The following LMO7 variants were observed in gnomAD, a reference collection of about 807,000 sequenced individuals.
The protein encoded by LMO7 is LIM domain only protein 7.
In LMO7, 120 loss-of-function variants were observed where a neutral mutation model predicts 206.5. The ratio of observed to expected loss-of-function variants is 0.58; its 90% CI spans 0.50 to 0.68. The LOEUF (loss-of-function observed/expected upper bound fraction) is 0.68. Among genes scored for constraint, LMO7 ranks in the 30% least tolerant of loss-of-function variants. The probability of loss-of-function intolerance (pLI) is 0.00; values close to 1 mark genes in which losing one functional copy is unlikely to be tolerated. For synonymous variants in LMO7, 706 were observed against 681.5 expected, an observed-to-expected ratio of 1.04 and a Z score of -0.56; for missense variants, 1,959 against 1,957.9, an observed-to-expected ratio of 1.00 and a Z score of -0.01.
At chr13:75,686,138 T>G (rs1298036053) in intron 1 of LMO7, among the ~76,000 whole-genome samples, 2 of 151,996 alleles carry the variant, frequency 1.3e-5, no homozygotes, top group African/African-American at 2.4e-5. Context: ...TTCAGCCTCC[T>G]AAAGTGCTGG....
intron 2 of LMO7, chr13:75,627,768 C>A (rs2034405494): frequency 6.6e-6 from 1 of 152,034 alleles, no homozygotes; most frequent in Admixed American, 6.5e-5. Flanking sequence ...TCTCCTTCCT[C>A]TTTCCCAGAA....
At chr13:75,642,442 C>CAAAAAA (rs5804829) in intron 1 of LMO7, among the ~76,000 whole-genome samples, 3 of 72,390 alleles carry the variant, frequency 4.1e-5, no homozygotes, top group Admixed American at 1.8e-4. Flanking sequence ...CCATCTCTAC[C>CAAAAAA]AAAAAAAAAA....
intron 1 of LMO7, among the ~76,000 whole-genome samples, chr13:75,686,757 CA>C (rs2041035469): frequency 6.6e-6 from 1 of 152,002 alleles, no homozygotes; most frequent in Non-Finnish European, 1.5e-5. Context: ...GCTGCTATAA[CA>C]GAGTATATAG....
intron 14 of LMO7, 116 bp from the exon 15 acceptor site, chr13:75,823,449 T>C (rs982061943): frequency 4.0e-5 from 31 of 774,424 alleles, no homozygotes; most frequent in Middle Eastern, 7.7e-4. Flanking sequence ...GCAATAGTTA[T>C]GTTACTGTGG....
At chr13:75,671,717 G>A (rs1472718104) in intron 1 of LMO7, among the ~76,000 whole-genome samples, 1 of 152,132 alleles carries the variant, frequency 6.6e-6, no homozygotes, top group African/African-American at 2.4e-5. Context: ...TTAAAAAAAT[G>A]AATCCATAGT....
chr13:75,804,776 T>C, intron 8 of LMO7: 1 of 1,088,772 alleles, frequency 9.2e-7, no homozygotes, highest in East Asian at 3.6e-5. Flanking sequence ...ATGACTTCAG[T>C]TTATTGGTAT....
chr13:75,661,971 CTTAT>C (rs1217905322), intron 1 of LMO7, among the ~76,000 whole-genome samples: 1 of 152,050 alleles, frequency 6.6e-6, no homozygotes, highest in Admixed American at 6.5e-5. Context: ...TAACCAGATT[CTTAT>C]TTATTTGCCA....
At position 75,647,928 on chromosome 13, in the gene LMO7, T is replaced by C. The variant is rs114287068; in HGVS notation, c.69+11202T>C. Among the ~76,000 whole-genome samples the C allele has an allele frequency of 3.7e-3, 524 of 139,784 alleles. 5 individuals are homozygous for C. The highest frequency in any genetic ancestry group is 0.013 in the African/African-American group (507 of 38,002). The allele number at this position is 139,784 out of a possible 152,430, so 91.7% of individuals were successfully genotyped here. ...CCTGATCTGATTTTGTCCAAACTGA[T>C]TTTCTCTTGTTTTCTTTTCTTTCTT... On this transcript the variant is annotated intron_variant, in intron 1 of 30. Coordinates refer to ENST00000377534, the MANE Select transcript of LMO7 (RefSeq NM_001306080.2).
At chr13:75,782,041 G>A (rs561450231) in intron 4 of LMO7, among the ~76,000 whole-genome samples, 2 of 152,236 alleles carry the variant, frequency 1.3e-5, no homozygotes, top group African/African-American at 2.4e-5. Context: ...TTTGTCAGAT[G>A]AGTAGGTTGC....
intron 4 of LMO7, among the ~76,000 whole-genome samples, chr13:75,772,003 G>C (rs2140063619): frequency 6.6e-6 from 1 of 152,166 alleles, no homozygotes; most frequent in Admixed American, 6.6e-5. Flanking sequence ...ATTCCAGTAA[G>C]ATGAAACTCT....
chr13:75,684,538 C>G (rs2040817236), intron 1 of LMO7, among the ~76,000 whole-genome samples: 1 of 148,148 alleles, frequency 6.8e-6, no homozygotes, highest in South Asian at 2.1e-4. Flanking sequence ...AGCCACTGCG[C>G]CCGGCCGGCT....
intron 11 of LMO7, among the ~76,000 whole-genome samples, chr13:75,812,065 G>A (rs2056459723): frequency 6.6e-6 from 1 of 152,120 alleles, no homozygotes; most frequent in Non-Finnish European, 1.5e-5. Flanking sequence ...GGAGACATTT[G>A]GCAATGTCTG....
At position 75,844,536 on chromosome 13, in the gene LMO7, A is replaced by G. The variant is rs115601038; in HGVS notation, c.4098-791A>G. Among the ~76,000 whole-genome samples the G allele has an allele frequency of 6.0e-3, 909 of 152,002 alleles. 11 individuals are homozygous for G. Among genetic ancestry groups the G allele is most frequent in the African/African-American group, 0.021 (857 of 41,482 alleles). On this transcript the variant is annotated intron_variant, in intron 25 of 30. Coordinates refer to ENST00000377534, the MANE Select transcript of LMO7 (RefSeq NM_001306080.2). The stretch of plus-strand genomic sequence containing the variant: ...GTGATTCTCCCACTTCAGTCTCCCA[A>G]GTAACTGAGACTACGGGCGCATGCC...
chr13:75,743,699 G>C (rs903800137), intron 3 of LMO7, among the ~76,000 whole-genome samples: 14 of 152,246 alleles, frequency 9.2e-5, no homozygotes, highest in African/African-American at 3.4e-4. Context: ...GCCTACATGA[G>C]AGTGGAGGAT....
At chr13:75,684,722 G>T (rs1429342339) in intron 1 of LMO7, among the ~76,000 whole-genome samples, 1 of 152,000 alleles carries the variant, frequency 6.6e-6, no homozygotes, top group African/African-American at 2.4e-5. Flanking sequence ...AATTGAAACA[G>T]TTGTGTCTAA....
chr13:75,845,843 T>G (rs973736562), intron 26 of LMO7, among the ~76,000 whole-genome samples: 1 of 152,208 alleles, frequency 6.6e-6, no homozygotes, highest in South Asian at 2.1e-4. Flanking sequence ...GTATAAAATA[T>G]GTTTCTGAAG....
chr13:75,849,131 A>G lies in LMO7; in HGVS notation c.4203A>G (p.Arg1401=), dbSNP rs778292596. Residue 1401 remains arginine (R), a synonymous_variant, in exon 27 of 31, where the codon AGA becomes AGG. Transcript: ENST00000377534. ...QIGNMTSSQR[R]SKKEQVPSGA... ...GGAACATGACCTCTTCACAGAGGAG[A>G]TCCAAGAAAGAACAAGTACCATCAG... The G allele has an allele frequency of 1.2e-6, 2 of 1,613,460 alleles. No homozygotes were observed. Among genetic ancestry groups the G allele is most frequent in the South Asian group, 2.2e-5 (2 of 91,068 alleles).
intron 1 of LMO7, among the ~76,000 whole-genome samples, chr13:75,706,717 G>A (rs1310506759): frequency 6.6e-6 from 1 of 152,058 alleles, no homozygotes; most frequent in East Asian, 1.9e-4. Context: ...AACAGAGGAG[G>A]ATTATTTTTG....
intron 4 of LMO7, among the ~76,000 whole-genome samples, chr13:75,778,765 G>A (rs993829739): frequency 6.6e-6 from 1 of 152,186 alleles, no homozygotes; most frequent in African/African-American, 2.4e-5. Context: ...CGTTGAAGCT[G>A]TAGTTTCAGT....
Sources: allele counts gnomAD v4.1 joint callset (sites outside exome capture counted in the v4.1 genomes callset), GRCh38; gene constraint gnomAD v4.1.1; transcripts MANE v1.5; gene names NCBI Gene and HGNC (gene_info 2026-07-23, HGNC 2026-07-21).